SMOX: variants seen among roughly 807,000 people sequenced by gnomAD.
SMOX encodes spermine oxidase.
A neutral mutation model predicts 51.0 loss-of-function variants in SMOX; 22 were observed. That is an observed-to-expected ratio of 0.43 (90% CI 0.31 to 0.62). The LOEUF is 0.62. Among genes scored for constraint, SMOX ranks in the 20% least tolerant of loss-of-function variants. The pLI, the probability that SMOX is intolerant of heterozygous loss-of-function variation, is 0.10. For synonymous variants in SMOX, 282 were observed against 307.8 expected (o/e 0.92, Z 0.88); for missense variants, 566 against 777.7 (o/e 0.73, Z 3.24).
chr20:4,187,533 C>G lies in SMOX; in HGVS notation c.*126C>G. 2.1e-6 allele frequency: 3 copies of G among 1,401,114 alleles called. No homozygotes were observed. Among genetic ancestry groups the G allele is most frequent in the South Asian group, 2.8e-5 (2 of 72,400 alleles). 86.8% of individuals were successfully genotyped at this position (1,401,114 alleles called of 1,614,324 possible). On this transcript the variant is annotated 3_prime_UTR_variant, in exon 7 of 7. Coordinates refer to ENST00000305958, the MANE Select transcript of SMOX (RefSeq NM_175839.3). The surrounding 1 kb of genome is among the most constrained non-coding windows in gnomAD (Gnocchi z 4.8). ...TTTATCTTCTGTAGAGCTAGCCGCCCTGACTGCCTTCAGACCTGGCCCTGT... is the reference window on the plus strand; with the variant it reads ...TTTATCTTCTGTAGAGCTAGCCGCCGTGACTGCCTTCAGACCTGGCCCTGT...
chr20:4,155,847 G>A (rs75285673), intron 1 of SMOX, among the ~76,000 whole-genome samples: 3,244 of 152,060 alleles, frequency 0.021, 122 homozygotes, highest in African/African-American at 0.073. Flanking sequence ...AGACACAAAG[G>A]GCAAAGGTTC....
chr20:4,169,303 T>G (rs6116241), intron 1 of SMOX, among the ~76,000 whole-genome samples: 24,086 of 152,128 alleles, frequency 0.16, 2,085 homozygotes, highest in East Asian at 0.26. Context: ...GTAATAGCTC[T>G]GGCCACACCT....
intron 1 of SMOX, among the ~76,000 whole-genome samples, chr20:4,174,592 T>C (rs1242278339): frequency 7.2e-5 from 11 of 152,066 alleles, no homozygotes; most frequent in Non-Finnish European, 1.5e-5. Context: ...CAAGCTCCAG[T>C]CTCTCCTGAC....
Position 4,177,527 on chromosome 20 carries a change from C to G in SMOX, c.385C>G (p.Arg129Gly), listed in dbSNP as rs147730753. ...GVACYLTNHGRRIPKDVVEEF... is the reference protein window; with the variant it reads ...GVACYLTNHGGRIPKDVVEEF... The stretch of plus-strand genomic sequence containing the variant: ...GGCCTGCTACCTTACCAACCACGGC[C>G]GCAGGATCCCCAAGGACGTGGTTGA... The change falls in exon 3 of 7, where the codon CGC becomes GGC. Residue 129 changes from arginine to glycine, a missense_variant. Physicochemically the swap from Arg to Gly is moderately radical, Grantham distance 125. Around this residue, in one of 3 missense-constraint regions of SMOX, gnomAD observed 217 missense variants for 278.4 expected, o/e 0.78. Coordinates refer to ENST00000305958, the MANE Select transcript of SMOX (RefSeq NM_175839.3). The surrounding 1 kb of genome is among the most constrained non-coding windows in gnomAD (Gnocchi z 4.3). 8.1e-6 allele frequency: 13 copies of G among 1,596,814 alleles called. No individual in the cohort carries two copies. Among genetic ancestry groups the G allele is most frequent in the Non-Finnish European group, 1.1e-5 (13 of 1,170,904 alleles).
At chr20:4,185,961 T>TAAAA (rs1417543962) in intron 6 of SMOX, among the ~76,000 whole-genome samples, 2 of 151,246 alleles carry the variant, frequency 1.3e-5, no homozygotes, top group Non-Finnish European at 2.9e-5. Context: ...AATAAATAAA[T>TAAAA]AAAAAGAAAT....
chr20:4,174,836 A>G (rs943070398), intron 1 of SMOX, among the ~76,000 whole-genome samples, 194 bp from the exon 2 acceptor site: 1 of 150,554 alleles, frequency 6.6e-6, no homozygotes, highest in Non-Finnish European at 1.5e-5. Flanking sequence ...ACCTTCCCTT[A>G]TTTATTCTTC....
intron 1 of SMOX, among the ~76,000 whole-genome samples, chr20:4,159,076 G>T (rs1986179727): frequency 6.6e-6 from 1 of 151,780 alleles, no homozygotes. Flanking sequence ...AAGGTTTGGA[G>T]TTTAAAAAGT....
Position 4,187,564 on chromosome 20 carries a change from T to C in SMOX, c.*157T>C. On this transcript the variant is annotated 3_prime_UTR_variant, in exon 7 of 7. Coordinates refer to ENST00000305958, the MANE Select transcript of SMOX (RefSeq NM_175839.3). The surrounding 1 kb of genome is among the most constrained non-coding windows in gnomAD (Gnocchi z 4.8). ...GCCTTCAGACCTGGCCCTGTAGCTT[T>C]TCTTTTTCTCCAGGCTGGGCCGTGA... 1 of 1,118,444 alleles carries C rather than the reference T, an allele frequency of 8.9e-7. No individual in the cohort carries two copies. The highest frequency in any genetic ancestry group is 1.6e-5 in the African/African-American group (1 of 64,194). The allele number at this position is 1,118,444 out of a possible 1,614,324, so 69.3% of individuals were successfully genotyped here. A position where few individuals can be genotyped will look rare whatever the true frequency, so the allele number is the denominator to read the frequency against.
chr20:4,158,653 C>T (rs1272148903), intron 1 of SMOX, among the ~76,000 whole-genome samples: 1 of 152,160 alleles, frequency 6.6e-6, no homozygotes, highest in Non-Finnish European at 1.5e-5. Flanking sequence ...ACACATGGGT[C>T]CTGTCTTCCC....
chr20:4,166,103 C>T lies in SMOX; in HGVS notation c.-26-8927C>T, dbSNP rs1216836016. ...TGTTCAGAGCAATTGTGCCTAGCGC[C>T]TGATCTAATCTGTTGTCAGAGTGTG... On this transcript the variant is annotated intron_variant, in intron 1 of 6. Transcript: ENST00000305958. The surrounding 1 kb of genome is among the most constrained non-coding windows in gnomAD (Gnocchi z 4.2). 6.9e-6 allele frequency among the ~76,000 whole-genome samples: 1 copy of T among 144,404 alleles called. No individual in the cohort carries two copies. Among genetic ancestry groups the T allele is most frequent in the Non-Finnish European group, 1.5e-5 (1 of 64,758 alleles). 94.7% of individuals were successfully genotyped at this position (144,404 alleles called of 152,430 possible). A position where few individuals can be genotyped will look rare whatever the true frequency, so the allele number is the denominator to read the frequency against.
Position 4,181,895 on chromosome 20 carries a change from G to A in SMOX, c.528G>A (p.Val176=), listed in dbSNP as rs780989728. ...NSVGVFTREE[V]RNRIRNDPDD... The stretch of plus-strand genomic sequence containing the variant: ...TGGGGGTGTTCACCCGAGAGGAGGT[G>A]CGTAACCGCATCAGGAATGACCCTG... Residue 176 remains valine, a synonymous_variant, in exon 4 of 7, where the codon GTG becomes GTA. Transcript: ENST00000305958. This position sits in a 1 kb window ranked among gnomAD's most constrained non-coding sequence, Gnocchi z 5.6. 1.2e-6 allele frequency: 2 copies of A among 1,614,160 alleles called. No individual in the cohort carries two copies. Among genetic ancestry groups the A allele is most frequent in the Middle Eastern group, 1.6e-4 (1 of 6,062 alleles).
At chr20:4,178,017 G>A (rs988733688) in intron 3 of SMOX, among the ~76,000 whole-genome samples, 10 of 152,128 alleles carry the variant, frequency 6.6e-5, no homozygotes, top group African/African-American at 1.9e-4. Context: ...AAGTAAAACC[G>A]AGGAACTGAA....
chr20:4,171,409 C>T (rs1978380960), intron 1 of SMOX, among the ~76,000 whole-genome samples: 1 of 152,210 alleles, frequency 6.6e-6, no homozygotes, highest in South Asian at 2.1e-4. Context: ...TATGTTCTCT[C>T]TCTCCCTTTC....
chr20:4,174,674 G>C (rs557463821), intron 1 of SMOX, among the ~76,000 whole-genome samples: 1 of 152,316 alleles, frequency 6.6e-6, no homozygotes, highest in African/African-American at 2.4e-5. Context: ...CAGGGAAGAA[G>C]CAGGGCCTAA....
At chr20:4,163,720 C>T (rs1986437634) in intron 1 of SMOX, among the ~76,000 whole-genome samples, 1 of 152,168 alleles carries the variant, frequency 6.6e-6, no homozygotes, top group Non-Finnish European at 1.5e-5. Context: ...GGTGTGCTCA[C>T]ATGCTTGGCA....
Position 4,182,056 on chromosome 20 carries a change from G to T in SMOX, c.610-33G>T. 6.3e-7 allele frequency: 1 copy of T among 1,585,340 alleles called. No homozygotes were observed. ...GCTCCTACCCCTGCCCAACCCCGGC[G>T]GTCACCTGGCTTCTCCTTGGGTCTT... On this transcript the variant is annotated intron_variant, in intron 4 of 6. Transcript: ENST00000305958. The surrounding 1 kb of genome is among the most constrained non-coding windows in gnomAD (Gnocchi z 8.4).
chr20:4,168,808 C>T (rs1187375050), intron 1 of SMOX, among the ~76,000 whole-genome samples: 5 of 152,010 alleles, frequency 3.3e-5, no homozygotes, highest in East Asian at 3.9e-4. Flanking sequence ...CCGCCCGCCT[C>T]GGCCTCCCCA....
intron 1 of SMOX, 81 bp from the exon 2 acceptor site, chr20:4,174,949 G>T (rs1004009518): frequency 7.2e-7 from 1 of 1,398,210 alleles, no homozygotes; most frequent in African/African-American, 1.4e-5. Flanking sequence ...GGCAGAGTGT[G>T]ATGAAAGCCC....
At position 4,166,077 on chromosome 20, in the gene SMOX, G is replaced by T. The variant is rs151011532; in HGVS notation, c.-26-8953G>T. Among the ~76,000 whole-genome samples, 1 of 152,292 alleles carries T rather than the reference G, an allele frequency of 6.6e-6. No individual in the cohort carries two copies. Among genetic ancestry groups the T allele is most frequent in the African/African-American group, 2.4e-5 (1 of 41,560 alleles). On this transcript the variant is annotated intron_variant, in intron 1 of 6. Coordinates refer to ENST00000305958, the MANE Select transcript of SMOX (RefSeq NM_175839.3). This position sits in a 1 kb window ranked among gnomAD's most constrained non-coding sequence, Gnocchi z 4.2. ...CCAGAGCTTGAAAAGTTCACAGGAG[G>T]TGTTCAGAGCAATTGTGCCTAGCGC...
Sources: gnomAD v4.1 joint callset for allele counts (sites outside exome capture counted in the v4.1 genomes callset) on GRCh38, gnomAD v4.1.1 for gene constraint, gnomAD v4.1.1 regional missense constraint, Gnocchi (gnomAD v3.1) non-coding constraint, MANE v1.5 for transcripts, NCBI Gene and HGNC (gene_info 2026-07-23, HGNC 2026-07-21) for gene names.